Variants in WWOX observed in about 807,000 individuals in gnomAD.
WWOX encodes the protein WW domain containing oxidoreductase, also known as WW domain-containing oxidoreductase.
Under a neutral mutation model 46.2 loss-of-function variants are expected in WWOX, and 69 were observed. That is an observed-to-expected ratio of 1.49 (90% CI 1.23 to 1.82). WWOX has a LOEUF of 1.82. WWOX is among the 40% of genes most tolerant of loss of function. WWOX has a pLI of 0.00. For missense variants in WWOX, 919 were observed against 542.6 expected (o/e 1.69, Z -6.89); for synonymous variants, 359 against 202.6 (o/e 1.77, Z -6.56).
At chr16:78,512,761 C>T (rs182231088) in intron 8 of WWOX, among the ~76,000 whole-genome samples, 2 of 152,194 alleles carry the variant, frequency 1.3e-5, no homozygotes, top group Non-Finnish European at 2.9e-5. Context: ...ATAAGCTTGA[C>T]TGGCTTGTAA....
intron 8 of WWOX, among the ~76,000 whole-genome samples, chr16:78,483,097 T>C (rs1363916616): frequency 6.6e-6 from 1 of 152,172 alleles, no homozygotes; most frequent in Non-Finnish European, 1.5e-5. Flanking sequence ...ATGCCATATT[T>C]TGCAAAGTCA....
intron 8 of WWOX, among the ~76,000 whole-genome samples, chr16:79,128,588 G>T (rs929693319): frequency 6.6e-6 from 1 of 152,088 alleles, no homozygotes; most frequent in Non-Finnish European, 1.5e-5. Flanking sequence ...ATAACGGTTT[G>T]ATTTCAGTAG....
rs556594060 is a variant in WWOX, at chr16:78,430,887, G to C, written c.792-1601G>C. 2.6e-5 allele frequency among the ~76,000 whole-genome samples: 4 copies of C among 152,232 alleles called. No individual in the cohort carries two copies. The South Asian group carries it at 6.2e-4, about 24-fold the overall frequency. ...CCTTGCCATGCTTTTCTTGGTCTTAGCCCAACCTGAGCTGCTGATATTAAG... is the reference window on the plus strand; with the variant it reads ...CCTTGCCATGCTTTTCTTGGTCTTACCCCAACCTGAGCTGCTGATATTAAG... On this transcript the variant is annotated intron_variant, in intron 7 of 8. Coordinates refer to ENST00000566780, the MANE Select transcript of WWOX (RefSeq NM_016373.4).
At chr16:78,443,281 G>T (rs988415280) in intron 8 of WWOX, among the ~76,000 whole-genome samples, 2 of 151,884 alleles carry the variant, frequency 1.3e-5, no homozygotes, top group Non-Finnish European at 2.9e-5. Context: ...CTCCAGCCTG[G>T]GTGACAGAGT....
chr16:78,639,324 G>A (rs781670404), intron 8 of WWOX, among the ~76,000 whole-genome samples: 8 of 152,156 alleles, frequency 5.3e-5, no homozygotes, highest in Non-Finnish European at 1.2e-4. Context: ...CAAGGAGACC[G>A]GCACCTGGGC....
chr16:78,239,962 T>C (rs1053579073), intron 5 of WWOX, among the ~76,000 whole-genome samples: 3 of 150,204 alleles, frequency 2.0e-5, no homozygotes, highest in Non-Finnish European at 4.4e-5. Flanking sequence ...TCTAAGCCAG[T>C]TGGACAGACA....
At chr16:79,182,335 C>T (rs763035993) in intron 8 of WWOX, among the ~76,000 whole-genome samples, 8 of 152,146 alleles carry the variant, frequency 5.3e-5, no homozygotes, top group Non-Finnish European at 8.8e-5. Flanking sequence ...ACCGGAAATG[C>T]CTTTTGTGTC....
chr16:78,457,735 G>T (rs113650772), intron 8 of WWOX, among the ~76,000 whole-genome samples: 2,372 of 151,972 alleles, frequency 0.016, 65 homozygotes, highest in African/African-American at 0.053. Context: ...CCAACATGGT[G>T]AAACCTCATC....
chr16:79,142,009 G>T lies in WWOX; in HGVS notation c.1057-69599G>T, dbSNP rs551623909. Among the ~76,000 whole-genome samples the T allele has an allele frequency of 3.3e-3, 508 of 152,326 alleles. 3 individuals carry two copies. Among genetic ancestry groups the T allele is most frequent in the Non-Finnish European group, 5.3e-3 (363 of 68,036 alleles). Reference sequence around the variant, plus strand: ...GGTGTTCTCCAAACTGCTCAGAAAAGAGCAGTAAGGACAGGATGGGGCCCA... The same window carrying T: ...GGTGTTCTCCAAACTGCTCAGAAAATAGCAGTAAGGACAGGATGGGGCCCA... On this transcript the variant is annotated intron_variant, in intron 8 of 8. Coordinates refer to ENST00000566780, the MANE Select transcript of WWOX (RefSeq NM_016373.4).
chr16:78,984,922 C>G (rs952610494), intron 8 of WWOX, among the ~76,000 whole-genome samples: 1 of 151,868 alleles, frequency 6.6e-6, no homozygotes, highest in Non-Finnish European at 1.5e-5. Context: ...CATCAAGGTT[C>G]TGGTGTTGAA....
chr16:78,761,815 A>T (rs1485087737), intron 8 of WWOX, among the ~76,000 whole-genome samples: 6 of 152,156 alleles, frequency 3.9e-5, no homozygotes, highest in African/African-American at 1.4e-4. Context: ...CTTAGGAGAG[A>T]AATCATGCAG....
chr16:79,174,176 G>C (rs1178760547), intron 8 of WWOX, among the ~76,000 whole-genome samples: 1 of 152,198 alleles, frequency 6.6e-6, no homozygotes, highest in East Asian at 1.9e-4. Context: ...ATTGTAGACA[G>C]GTTGATAAAG....
chr16:78,752,413 G>C (rs1265883058), intron 8 of WWOX, among the ~76,000 whole-genome samples: 1 of 152,128 alleles, frequency 6.6e-6, no homozygotes, highest in Non-Finnish European at 1.5e-5. Context: ...TCAGCCTTCT[G>C]AGTAGCTGGG....
At chr16:78,356,453 A>C (rs1383893985) in intron 5 of WWOX, among the ~76,000 whole-genome samples, 1 of 151,998 alleles carries the variant, frequency 6.6e-6, no homozygotes, top group Non-Finnish European at 1.5e-5. Flanking sequence ...CCCAGGCAGG[A>C]AGGAAGGAGA....
At chr16:78,429,669 G>T (rs566783587) in intron 7 of WWOX, among the ~76,000 whole-genome samples, 1 of 152,224 alleles carries the variant, frequency 6.6e-6, no homozygotes, top group African/African-American at 2.4e-5. Flanking sequence ...TGGATCATTG[G>T]ATTCTCAACT....
intron 8 of WWOX, among the ~76,000 whole-genome samples, chr16:78,844,856 C>G (rs182929340): frequency 5.9e-5 from 9 of 152,298 alleles, no homozygotes; most frequent in East Asian, 1.9e-4. Context: ...TGACCTTGCT[C>G]TAGCTCACCA....
intron 8 of WWOX, chr16:78,890,979 G>C (rs1354897377): frequency 6.6e-6 from 1 of 152,186 alleles, no homozygotes; most frequent in Non-Finnish European, 1.5e-5. Flanking sequence ...GAAGCATACA[G>C]TGGGCCTCAT....
chr16:78,611,090 G>C (rs1263611024), intron 8 of WWOX, among the ~76,000 whole-genome samples: 2 of 152,186 alleles, frequency 1.3e-5, no homozygotes, highest in African/African-American at 2.4e-5. Flanking sequence ...ATATCCCAGT[G>C]TGTGTGGTCA....
chr16:79,212,100 A>G lies in WWOX; in HGVS notation c.*304A>G. 1 of 1,535,966 alleles carries G rather than the reference A, an allele frequency of 6.5e-7. No individual in the cohort carries two copies. Among genetic ancestry groups the G allele is most frequent in the South Asian group, 1.2e-5 (1 of 84,032 alleles). On this transcript the variant is annotated 3_prime_UTR_variant, in exon 9 of 9. Transcript: ENST00000566780. Reference sequence around the variant, plus strand: ...CGTATCTCCCTGGAGAAGCACCAGCAATTCTCTTTCTTTTACTGTTATAGA... The same window carrying G: ...CGTATCTCCCTGGAGAAGCACCAGCGATTCTCTTTCTTTTACTGTTATAGA...
Sources: gnomAD v4.1 joint callset for allele counts (sites outside exome capture counted in the v4.1 genomes callset) on GRCh38, gnomAD v4.1.1 for gene constraint, MANE v1.5 for transcripts, NCBI Gene and HGNC (gene_info 2026-07-23, HGNC 2026-07-21) for gene names.